FNTA: variants seen among roughly 807,000 people sequenced by gnomAD.
FNTA encodes the protein farnesyltransferase, CAAX box, subunit alpha, also known as protein farnesyltransferase/geranylgeranyltransferase type-1 subunit alpha.
Under a neutral mutation model 55.2 loss-of-function variants are expected in FNTA, and 27 were observed. The ratio of observed to expected loss-of-function variants is 0.49; its 90% CI spans 0.36 to 0.67. FNTA has a LOEUF of 0.67. Ranked by LOEUF, FNTA falls within the 30% of genes least tolerant of loss-of-function variation. The probability of loss-of-function intolerance (pLI) is 0.00; values close to 1 mark genes in which losing one functional copy is unlikely to be tolerated. For missense variants in FNTA, 422 were observed against 464.7 expected (o/e 0.91, Z 0.85); for synonymous variants, 176 against 170.7 (o/e 1.03, Z -0.24).
In FNTA at chr8:43,064,348, G is replaced by A. The variant is rs146661233; in HGVS notation, c.401+133G>A. The stretch of plus-strand genomic sequence containing the variant: ...TGGAGGGGGGTGCAGTTTCACTCTT[G>A]TTGCCCAGGCTGGAGTATAACTGGT... On this transcript the variant is annotated intron_variant, in intron 3 of 8. Coordinates refer to ENST00000302279, the MANE Select transcript of FNTA (RefSeq NM_002027.3). 3.6e-4 allele frequency: 209 copies of A among 584,430 alleles called. 1 individual carries two copies. In the East Asian group the frequency reaches 5.3e-3, roughly 15 times the overall value. 36.2% of individuals were successfully genotyped at this position (584,430 alleles called of 1,614,324 possible). A position where few individuals can be genotyped will look rare whatever the true frequency, so the allele number is the denominator to read the frequency against.
intron 3 of FNTA, among the ~76,000 whole-genome samples, chr8:43,066,587 C>CGTGT (rs34748037): frequency 0.017 from 2,594 of 148,306 alleles, 56 homozygotes; most frequent in African/African-American, 0.053. Flanking sequence ...TAGCATCGTT[C>CGTGT]GTGTGTGTGT....
At chr8:43,075,838 A>G (rs772445745) in intron 5 of FNTA, among the ~76,000 whole-genome samples, 5 of 151,372 alleles carry the variant, frequency 3.3e-5, no homozygotes, top group Admixed American at 6.6e-5. Context: ...AGAAATTTAT[A>G]TCTTTGTCCA....
At chr8:43,061,581 A>G (rs1468681869) in intron 2 of FNTA, among the ~76,000 whole-genome samples, 1 of 152,220 alleles carries the variant, frequency 6.6e-6, no homozygotes, top group Non-Finnish European at 1.5e-5. Flanking sequence ...GATAAAATAA[A>G]ATGTATCATT....
At chr8:43,060,252 C>T (rs1282393244) in intron 2 of FNTA, among the ~76,000 whole-genome samples, 2 of 152,160 alleles carry the variant, frequency 1.3e-5, no homozygotes, top group Admixed American at 6.6e-5. Flanking sequence ...ATTAACCTTA[C>T]TAGTGATCAG....
At chr8:43,058,450 C>A (rs1810461514) in intron 1 of FNTA, among the ~76,000 whole-genome samples, 1 of 152,110 alleles carries the variant, frequency 6.6e-6, no homozygotes, top group Non-Finnish European at 1.5e-5. Flanking sequence ...TCTTACTAGA[C>A]CAATGAGTTA....
chr8:43,077,153 A>AT (rs956803045), intron 5 of FNTA, 63 bp from the exon 6 acceptor site: 2 of 1,205,384 alleles, frequency 1.7e-6, no homozygotes, highest in Non-Finnish European at 2.3e-6. Flanking sequence ...GTTTTAATTT[A>AT]TTTTTTATTC....
chr8:43,077,343 C>T lies in FNTA; in HGVS notation c.761C>T (p.Ala254Val), dbSNP rs1343755050. 1 of 1,612,636 alleles carries T rather than the reference C, an allele frequency of 6.2e-7. No individual in the cohort carries two copies. The stretch of plus-strand genomic sequence containing the variant: ...AACACCACTGGCTACAATGATCGTG[C>T]TGTATTGGAGAGAGAAGTCCAGTTA... ...ISNTTGYNDR[A>V]VLEREVQYTL... Residue 254 changes from alanine to valine, a missense_variant, in exon 6 of 9, where the codon GCT (alanine) becomes GTT (valine). Coordinates refer to ENST00000302279, the MANE Select transcript of FNTA (RefSeq NM_002027.3).
chr8:43,067,212 C>T (rs866119260), intron 3 of FNTA, among the ~76,000 whole-genome samples: 3 of 152,228 alleles, frequency 2.0e-5, no homozygotes, highest in African/African-American at 4.8e-5. Context: ...CGGTCTTGGC[C>T]GCCAAGGACT....
At chr8:43,070,016 G>A (rs935733937) in intron 4 of FNTA, 1 of 157,612 alleles carries the variant, frequency 6.3e-6, no homozygotes, top group African/African-American at 2.4e-5. Flanking sequence ...CAGTTTGGGA[G>A]GCTGAGGCGA....
intron 6 of FNTA, chr8:43,080,362 C>T (rs1810998565): frequency 6.6e-6 from 1 of 152,292 alleles, no homozygotes; most frequent in African/African-American, 2.4e-5. Context: ...CCAGACCCTC[C>T]ACCAGCAGAA....
chr8:43,077,459 C>G, intron 6 of FNTA, 95 bp downstream of exon 6: 1 of 906,476 alleles, frequency 1.1e-6, no homozygotes, highest in Non-Finnish European at 1.7e-6. Context: ...AAGATCCTAC[C>G]CCATGGAACT....
intron 4 of FNTA, among the ~76,000 whole-genome samples, chr8:43,071,898 A>AT (rs1407180366): frequency 6.6e-6 from 1 of 152,100 alleles, no homozygotes; most frequent in African/African-American, 2.4e-5. Flanking sequence ...ATAATAGCAC[A>AT]TTTTGTCTTG....
chr8:43,064,393 A>G (rs1469034662), intron 3 of FNTA, among the ~76,000 whole-genome samples, 178 bp downstream of exon 3: 2 of 151,908 alleles, frequency 1.3e-5, no homozygotes, highest in Non-Finnish European at 2.9e-5. Context: ...GCTCACTGCA[A>G]CCTCTGCCTC....
chr8:43,063,912 C>G (rs1810593730), intron 2 of FNTA, among the ~76,000 whole-genome samples, 189 bp from the exon 3 acceptor site: 1 of 152,154 alleles, frequency 6.6e-6, no homozygotes, highest in Non-Finnish European at 1.5e-5. Flanking sequence ...ATAAATAGTC[C>G]ATGCTTTTTG....
chr8:43,063,380 C>G (rs117783996), intron 2 of FNTA: 5 of 453,048 alleles, frequency 1.1e-5, no homozygotes, highest in Non-Finnish European at 1.8e-5. Flanking sequence ...AATAAATATC[C>G]TTGAATACTT....
intron 1 of FNTA, among the ~76,000 whole-genome samples, chr8:43,057,506 T>C (rs1810437670): frequency 6.6e-6 from 1 of 152,200 alleles, no homozygotes; most frequent in Admixed American, 6.5e-5. Flanking sequence ...AAATACAGCC[T>C]TACCTTTCCC....
Position 43,056,424 on chromosome 8 carries a change from G to T in FNTA, c.78G>T (p.Pro26=). 1.3e-6 allele frequency: 2 copies of T among 1,529,878 alleles called. No individual in the cohort carries two copies. 94.8% of individuals were successfully genotyped at this position (1,529,878 alleles called of 1,614,324 possible). A position where few individuals can be genotyped will look rare whatever the true frequency, so the allele number is the denominator to read the frequency against. Residue 26 remains proline (P), a synonymous_variant, in exon 1 of 9, where the codon CCG becomes CCT. Transcript: ENST00000302279. ...AGCCGGCGCAACCCCCGCCCCAGCCGCACCCACCGCCGCCCCAGCAGCAGC... is the reference window on the plus strand; with the variant it reads ...AGCCGGCGCAACCCCCGCCCCAGCCTCACCCACCGCCGCCCCAGCAGCAGC... The part of the protein sequence containing the change: ...PGQPAQPPPQ[P]HPPPPQQQHK...
chr8:43,072,442 T>C (rs1389899490), intron 5 of FNTA, 135 bp downstream of exon 5: 13 of 528,496 alleles, frequency 2.5e-5, no homozygotes, highest in South Asian at 5.3e-5. Context: ...CTAAAAATTA[T>C]TGGCCATGTG....
At chr8:43,059,922 A>G (rs1810492905) in intron 2 of FNTA, among the ~76,000 whole-genome samples, 1 of 152,246 alleles carries the variant, frequency 6.6e-6, no homozygotes, top group Non-Finnish European at 1.5e-5. Context: ...GTAGCACAGA[A>G]GTAGATTTGT....
Sources: gnomAD v4.1 joint callset for allele counts (sites outside exome capture counted in the v4.1 genomes callset) on GRCh38, gnomAD v4.1.1 for gene constraint, MANE v1.5 for transcripts, NCBI Gene and HGNC (gene_info 2026-07-23, HGNC 2026-07-21) for gene names.